Variants in GREB1L observed in about 807,000 individuals in gnomAD.
GREB1L encodes the protein GREB1 like retinoic acid receptor coactivator.
GREB1L carries 17 observed loss-of-function variants against 200.8 expected under a neutral mutation model. The ratio of observed to expected loss-of-function variants is 0.08; its 90% confidence interval spans 0.06 to 0.13. GREB1L has a LOEUF of 0.13. GREB1L is among the 10% of genes least tolerant of loss of function. GREB1L has a pLI of 1.00. For missense variants in GREB1L, 1,657 were observed against 2,367.7 expected (o/e 0.70, Z 6.23); for synonymous variants, 789 against 893.0 (o/e 0.88, Z 2.08).
chr18:21,494,595 G>A (rs1223188738), intron 19 of GREB1L, among the ~76,000 whole-genome samples: 1 of 151,832 alleles, frequency 6.6e-6, no homozygotes, highest in Non-Finnish European at 1.5e-5. Flanking sequence ...CTCCAGCCTG[G>A]GCAACAGAGC....
chr18:21,368,051 A>G (rs1201859580), intron 2 of GREB1L, among the ~76,000 whole-genome samples: 1 of 152,240 alleles, frequency 6.6e-6, no homozygotes, highest in Non-Finnish European at 1.5e-5. Context: ...ATAGAGAGAA[A>G]GCATATATTA....
chr18:21,243,862 A>G (rs1272964079), intron 1 of GREB1L, among the ~76,000 whole-genome samples: 9 of 152,210 alleles, frequency 5.9e-5, no homozygotes, highest in Admixed American at 3.9e-4. Flanking sequence ...ATTTCAAACA[A>G]CAGTGAAGAG....
At chr18:21,452,823 A>T (rs2034589052) in intron 14 of GREB1L, among the ~76,000 whole-genome samples, 1 of 152,190 alleles carries the variant, frequency 6.6e-6, no homozygotes, top group Non-Finnish European at 1.5e-5. Context: ...ACAGGACAGA[A>T]AAAAGAACAG....
intron 1 of GREB1L, among the ~76,000 whole-genome samples, chr18:21,307,797 T>G (rs893609008): frequency 6.6e-6 from 1 of 152,094 alleles, no homozygotes; most frequent in African/African-American, 2.4e-5. Flanking sequence ...TCCTGCTCCC[T>G]CCTTGTGGGG....
chr18:21,412,841 A>C (rs1374324326), intron 7 of GREB1L, among the ~76,000 whole-genome samples: 3 of 145,842 alleles, frequency 2.1e-5, no homozygotes, highest in African/African-American at 7.6e-5. Flanking sequence ...TGGATTTACC[A>C]CCCCCCCCCA....
rs535528477 is a variant in GREB1L, at chr18:21,525,609, T to C, written c.*2788T>C. On this transcript the variant is annotated 3_prime_UTR_variant, in exon 33 of 33. Coordinates refer to ENST00000424526, the MANE Select transcript of GREB1L (RefSeq NM_001142966.3). ...TGACAGATTGCAACTACACTCACTTTGATGTCCTTCTGGAAACAGAACAAC... is the reference window on the plus strand; with the variant it reads ...TGACAGATTGCAACTACACTCACTTCGATGTCCTTCTGGAAACAGAACAAC... 2.6e-5 allele frequency among the ~76,000 whole-genome samples: 4 copies of C among 152,324 alleles called. No homozygotes were observed. In the South Asian group the frequency reaches 8.3e-4, roughly 32 times the overall value.
At chr18:21,479,321 T>C (rs1598903661) in intron 17 of GREB1L, among the ~76,000 whole-genome samples, 1 of 152,230 alleles carries the variant, frequency 6.6e-6, no homozygotes, top group South Asian at 2.1e-4. Context: ...GAAGGACCAA[T>C]AGCCTCTGCC....
At chr18:21,324,789 G>A (rs540391313) in intron 1 of GREB1L, among the ~76,000 whole-genome samples, 6 of 152,314 alleles carry the variant, frequency 3.9e-5, no homozygotes, top group Non-Finnish European at 8.8e-5. Context: ...CAGCCTGGGC[G>A]ACAGAGCGAG....
At chr18:21,393,808 CA>C (rs1241732974) in intron 4 of GREB1L, among the ~76,000 whole-genome samples, 1 of 152,126 alleles carries the variant, frequency 6.6e-6, no homozygotes, top group East Asian at 1.9e-4. Flanking sequence ...GTGATCCACC[CA>C]CCTCGGCCTC....
In GREB1L at chr18:21,467,874, A is replaced by C. The variant is rs148710354; in HGVS notation, c.2183-5157A>C. Among the ~76,000 whole-genome samples, 1,144 of 152,124 alleles carry C rather than the reference A, an allele frequency of 7.5e-3. 16 individuals carry two copies. The highest frequency in any genetic ancestry group is 0.026 in the African/African-American group (1,081 of 41,504). On this transcript the variant is annotated intron_variant, in intron 15 of 32. Coordinates refer to ENST00000424526, the MANE Select transcript of GREB1L (RefSeq NM_001142966.3). ...CCTGTCTCTACTAAAAACGCAAAAA[A>C]ATTAGCTGGGCGTGGTGGCATGCAC...
At chr18:21,254,185 T>G (rs1417151993) in intron 1 of GREB1L, among the ~76,000 whole-genome samples, 4 of 150,070 alleles carry the variant, frequency 2.7e-5, no homozygotes, top group Admixed American at 2.0e-4. Flanking sequence ...TTCTCCTGTC[T>G]CAGCCTCCCG....
intron 1 of GREB1L, among the ~76,000 whole-genome samples, chr18:21,341,985 A>G (rs2039276315): frequency 6.6e-6 from 1 of 152,318 alleles, no homozygotes; most frequent in East Asian, 1.9e-4. Context: ...CTGGGGAGAT[A>G]TGATGAGAAA....
intron 17 of GREB1L, among the ~76,000 whole-genome samples, chr18:21,481,200 A>T (rs2035899903): frequency 6.6e-6 from 1 of 151,976 alleles, no homozygotes; most frequent in Non-Finnish European, 1.5e-5. Context: ...AGAACAGGGG[A>T]TGGCCCTGGA....
rs1007150839 is a variant in GREB1L, at chr18:21,395,414, T to C, written c.385T>C (p.Leu129=). Residue 129 remains leucine, a synonymous_variant, in exon 5 of 33, where the codon TTG becomes CTG. Transcript: ENST00000424526. ...GFCQAGKDLR[L]VSLCMEQIDI... ...TTGTCAAGCAGGAAAGGATTTGCGT[T>C]TGGTATCACTGTGTATGGAACAAAT... 7.7e-6 allele frequency: 12 copies of C among 1,550,128 alleles called. No homozygotes were observed. The highest frequency in any genetic ancestry group is 9.6e-6 in the Non-Finnish European group (11 of 1,146,644).
intron 7 of GREB1L, among the ~76,000 whole-genome samples, chr18:21,410,638 GA>G (rs200949253): frequency 3.0e-4 from 38 of 128,772 alleles, no homozygotes; most frequent in South Asian, 7.2e-4. Context: ...CTGGGAGACA[GA>G]AAAAAAAAAA....
At chr18:21,477,086 A>C in intron 16 of GREB1L, 78 bp from the exon 17 acceptor site, 2 of 874,870 alleles carry the variant, frequency 2.3e-6, no homozygotes, top group Non-Finnish European at 3.3e-6. Context: ...AAACTAAAAC[A>C]GTATGTCCAT....
rs749791998 is a variant in GREB1L, at chr18:21,516,713, G to A, written c.5230G>A (p.Val1744Ile). 1 of 1,551,578 alleles carries A rather than the reference G, an allele frequency of 6.4e-7. No individual in the cohort carries two copies. The highest frequency in any genetic ancestry group is 1.7e-4 in the Middle Eastern group (1 of 5,992). ...NFSLMKKHVQ[V>I]GGQRDFIIKP... ...CAGTCTCATGAAGAAACATGTTCAGGTTGGAGGGCAAAGGGACTTTATCAT... is the reference window on the plus strand; with the variant it reads ...CAGTCTCATGAAGAAACATGTTCAGATTGGAGGGCAAAGGGACTTTATCAT... Residue 1744 changes from valine to isoleucine, a missense_variant, in exon 30 of 33, where the codon GTT becomes ATT. Val to Ile is a conservative substitution (Grantham distance 29). Coordinates refer to ENST00000424526, the MANE Select transcript of GREB1L (RefSeq NM_001142966.3).
At chr18:21,290,077 C>T (rs1222478994) in intron 1 of GREB1L, among the ~76,000 whole-genome samples, 5 of 152,154 alleles carry the variant, frequency 3.3e-5, no homozygotes, top group Non-Finnish European at 7.4e-5. Flanking sequence ...TGTTACTTGG[C>T]TTCTGGGAAA....
At position 21,441,480 on chromosome 18, in the gene GREB1L, G is replaced by A. The variant is rs2033898191; in HGVS notation, c.1150G>A (p.Val384Ile). 6.4e-6 allele frequency: 10 copies of A among 1,551,390 alleles called. No homozygotes were observed. In the South Asian group the frequency reaches 1.2e-4, roughly 18 times the overall value. Residue 384 changes from valine (V) to isoleucine (I), a missense_variant, in exon 10 of 33, where the codon GTA becomes ATA. Physicochemically the swap from Val to Ile is conservative, Grantham distance 29. Coordinates refer to ENST00000424526, the MANE Select transcript of GREB1L (RefSeq NM_001142966.3). ...QPRPIPAGET[V>I]IVPENLLSNS... ...CAGGCCCATTCCTGCAGGGGAAACT[G>A]TAATTGTTCCTGAAAACCTGCTGAG...
Sources: gnomAD v4.1 joint callset for allele counts (sites outside exome capture counted in the v4.1 genomes callset) on GRCh38, gnomAD v4.1.1 for gene constraint, MANE v1.5 for transcripts, NCBI Gene and HGNC (gene_info 2026-07-23, HGNC 2026-07-21) for gene names.